Variants in CASR observed in about 807,000 individuals in gnomAD.
The protein encoded by CASR is calcium sensing receptor.
Under a neutral mutation model 69.1 loss-of-function variants are expected in CASR, and 23 were observed. That is an observed-to-expected ratio of 0.33 (90% CI 0.24 to 0.47). The LOEUF (loss-of-function observed/expected upper bound fraction) is 0.47. Ranked by LOEUF, CASR falls within the 20% of genes least tolerant of loss-of-function variation. The pLI is 1.00. For missense variants in CASR, 924 were observed against 1,356.1 expected, an observed-to-expected ratio of 0.68 and a Z score of 5.00; for synonymous variants, 541 against 544.7, an observed-to-expected ratio of 0.99 and a Z score of 0.10.
intron 1 of CASR, among the ~76,000 whole-genome samples, chr3:122,227,916 A>G (rs1370506802): frequency 6.7e-6 from 1 of 150,326 alleles, no homozygotes; most frequent in African/African-American, 2.5e-5. Flanking sequence ...AAATAAATAA[A>G]TAAATCAATC....
At chr3:122,193,304 C>T (rs1281470547) in intron 1 of CASR, among the ~76,000 whole-genome samples, 2 of 152,092 alleles carry the variant, frequency 1.3e-5, no homozygotes, top group East Asian at 3.9e-4. Flanking sequence ...GCAACCTCCA[C>T]CTCCTGGGTT....
intron 1 of CASR, among the ~76,000 whole-genome samples, chr3:122,226,791 T>C (rs1455930831): frequency 1.3e-5 from 2 of 151,708 alleles, no homozygotes; most frequent in African/African-American, 4.9e-5. Context: ...GACATAAAGA[T>C]TCTCCAAGTC....
chr3:122,262,513 T>A (rs1576859657), intron 4 of CASR, 101 bp downstream of exon 4: 4 of 1,024,964 alleles, frequency 3.9e-6, no homozygotes, highest in African/African-American at 1.6e-5. Flanking sequence ...GGGCAATATT[T>A]AAATGAAGCC....
At chr3:122,277,515 G>T (rs2074837231) in intron 5 of CASR, among the ~76,000 whole-genome samples, 1 of 152,156 alleles carries the variant, frequency 6.6e-6, no homozygotes, top group African/African-American at 2.4e-5. Flanking sequence ...CATCCACAGT[G>T]TGCCGTTTTT....
chr3:122,259,424 T>G (rs2074594344), intron 3 of CASR, among the ~76,000 whole-genome samples: 1 of 152,174 alleles, frequency 6.6e-6, no homozygotes, highest in Non-Finnish European at 1.5e-5. Context: ...ACCTGCCTCA[T>G]AAGTTCTGTG....
chr3:122,198,411 T>C (rs563648895), intron 1 of CASR, among the ~76,000 whole-genome samples: 2 of 152,336 alleles, frequency 1.3e-5, no homozygotes, highest in East Asian at 3.9e-4. Flanking sequence ...TTAAATATTA[T>C]GTTTTTGTGA....
intron 1 of CASR, among the ~76,000 whole-genome samples, chr3:122,201,955 G>T (rs1196353691): frequency 6.6e-6 from 1 of 151,840 alleles, no homozygotes; most frequent in Non-Finnish European, 1.5e-5. Flanking sequence ...AGGCAGAGGG[G>T]CTCCTCACAT....
chr3:122,226,802 C>G (rs924447957), intron 1 of CASR, among the ~76,000 whole-genome samples: 1 of 151,580 alleles, frequency 6.6e-6, no homozygotes, highest in Non-Finnish European at 1.5e-5. Flanking sequence ...TCTCCAAGTC[C>G]CCACCAGACT....
intron 1 of CASR, chr3:122,246,671 G>A (rs1221798474): frequency 1.3e-5 from 2 of 152,186 alleles, no homozygotes; most frequent in Non-Finnish European, 2.9e-5. Flanking sequence ...CAAATATGTT[G>A]TTAAACCATT....
chr3:122,259,316 T>G (rs2074592767), intron 3 of CASR, among the ~76,000 whole-genome samples: 2 of 152,196 alleles, frequency 1.3e-5, no homozygotes, highest in African/African-American at 2.4e-5. Flanking sequence ...TGGTAGGTTT[T>G]GTGTTTGCAA....
Position 122,188,020 on chromosome 3 carries a change from C to A in CASR, c.-243+4208C>A, listed in dbSNP as rs576010687. 1.3e-3 allele frequency among the ~76,000 whole-genome samples: 197 copies of A among 152,120 alleles called. 3 individuals carry two copies. The highest frequency in any genetic ancestry group is 2.7e-3 in the Admixed American group (42 of 15,282). On this transcript the variant is annotated intron_variant, in intron 1 of 6. Coordinates refer to ENST00000639785, the MANE Select transcript of CASR (RefSeq NM_000388.4). ...GCTGCAAAGATTCAGATAAGATATG[C>A]ACAGATTATGTACTCAGGAATTGTT...
At chr3:122,225,591 G>T (rs2074215171) in intron 1 of CASR, among the ~76,000 whole-genome samples, 2 of 148,232 alleles carry the variant, frequency 1.3e-5, no homozygotes, top group Non-Finnish European at 3.0e-5. Context: ...TGGGGAGTTT[G>T]CAGAGAAAAG....
At chr3:122,219,990 G>A (rs2074154942) in intron 1 of CASR, among the ~76,000 whole-genome samples, 1 of 152,300 alleles carries the variant, frequency 6.6e-6, no homozygotes, top group Admixed American at 6.5e-5. Context: ...ACAAGTTTCA[G>A]CTCAGTTGCT....
At chr3:122,266,776 G>A (rs917793255) in intron 4 of CASR, among the ~76,000 whole-genome samples, 10 of 152,096 alleles carry the variant, frequency 6.6e-5, no homozygotes, top group Non-Finnish European at 1.0e-4. Flanking sequence ...AGGCCACAGT[G>A]GGTGGATCAT....
intron 1 of CASR, among the ~76,000 whole-genome samples, chr3:122,249,341 C>T (rs957276213): frequency 2.0e-5 from 3 of 152,220 alleles, no homozygotes; most frequent in African/African-American, 4.8e-5. Context: ...CCTTATAATG[C>T]GCCTTTCTGT....
intron 5 of CASR, 39 bp downstream of exon 5, chr3:122,276,081 G>C: frequency 7.4e-7 from 1 of 1,346,924 alleles, no homozygotes; most frequent in Non-Finnish European, 1.1e-6. Flanking sequence ...GTCTCCACCA[G>C]GGGCAGGAAA....
In CASR at chr3:122,261,548, C is replaced by T. The variant is rs764149433; in HGVS notation, c.513C>T (p.Ser171=). 1 of 1,614,192 alleles carries T rather than the reference C, an allele frequency of 6.2e-7. No homozygotes were observed. The highest frequency in any genetic ancestry group is 1.1e-5 in the South Asian group (1 of 91,080). The change falls in exon 4 of 7, where the codon AGC becomes AGT. Residue 171 remains serine (S), a synonymous_variant. Coordinates refer to ENST00000639785, the MANE Select transcript of CASR (RefSeq NM_000388.4). The part of the protein sequence containing the change: ...YIPQVSYASS[S]RLLSNKNQFK... Reference sequence around the variant, plus strand: ...TCCAGGTCAGTTATGCCTCCTCCAGCAGACTCCTCAGCAACAAGAATCAAT... The same window carrying T: ...TCCAGGTCAGTTATGCCTCCTCCAGTAGACTCCTCAGCAACAAGAATCAAT...
chr3:122,192,301 C>G (rs781038527), intron 1 of CASR, among the ~76,000 whole-genome samples: 1 of 152,292 alleles, frequency 6.6e-6, no homozygotes, highest in Non-Finnish European at 1.5e-5. Flanking sequence ...CTTTTTTCAT[C>G]TGTACAAAGG....
chr3:122,258,060 A>G (rs1031770924), intron 3 of CASR, among the ~76,000 whole-genome samples: 26 of 152,234 alleles, frequency 1.7e-4, no homozygotes, highest in Admixed American at 3.3e-4. Flanking sequence ...TTTCACCAAA[A>G]AAAGATAACA....
Sources: gnomAD v4.1 joint callset for allele counts (sites outside exome capture counted in the v4.1 genomes callset) on GRCh38, gnomAD v4.1.1 for gene constraint, MANE v1.5 for transcripts, NCBI Gene and HGNC (gene_info 2026-07-23, HGNC 2026-07-21) for gene names.